Variants in PCDHA1 observed in about 807,000 individuals in gnomAD.
PCDHA1 encodes protocadherin alpha-1.
PCDHA1 carries 42 observed loss-of-function variants against 61.3 expected under a neutral mutation model. The observed-to-expected ratio is 0.69, with a 90% CI of 0.54 to 0.89. PCDHA1 has a LOEUF of 0.89. Among genes scored for constraint, PCDHA1 ranks in the 40% least tolerant of loss-of-function variants. The pLI, the probability that PCDHA1 is intolerant of heterozygous loss-of-function variation, is 0.00. For missense variants in PCDHA1, 1,256 were observed against 1,235.3 expected (o/e 1.02, Z -0.25); for synonymous variants, 610 against 553.8 (o/e 1.10, Z -1.43).
rs1290638824 is a variant in PCDHA1, at chr5:140,786,418, C to T, written c.128C>T (p.Thr43Ile). Residue 43 changes from threonine (T) to isoleucine (I), a missense_variant, in exon 1 of 4, where the codon ACC (threonine) becomes ATC (isoleucine). Coordinates refer to ENST00000504120, the MANE Select transcript of PCDHA1 (RefSeq NM_018900.4). ...ATCCCGGAGGAAGCCAAACACGGCA[C>T]CTTCGTTGGCCGCGTTGCTCAGGAC... is the stretch of plus-strand genomic sequence containing the variant. Reference protein sequence around the residue: ...YSIPEEAKHGTFVGRVAQDLG... With the variant: ...YSIPEEAKHGIFVGRVAQDLG... The T allele has an allele frequency of 6.2e-7, 1 of 1,613,470 alleles. No individual in the cohort carries two copies. The highest frequency in any genetic ancestry group is 1.1e-5 in the South Asian group (1 of 91,056).
At chr5:140,857,859 C>T (rs1554150765) in intron 1 of PCDHA1, 3 of 1,597,718 alleles carry the variant, frequency 1.9e-6, no homozygotes, top group Non-Finnish European at 2.6e-6. Context: ...GGATACAACG[C>T]GTGGCTGTCG....
intron 1 of PCDHA1, chr5:140,802,518 G>C (rs577444100): frequency 1.9e-6 from 3 of 1,614,016 alleles, no homozygotes; most frequent in South Asian, 2.2e-5. Flanking sequence ...CACGGCCAGC[G>C]TGTCCGTGGA....
intron 3 of PCDHA1, among the ~76,000 whole-genome samples, chr5:141,002,176 G>C (rs1554258553): frequency 6.6e-6 from 1 of 152,242 alleles, no homozygotes; most frequent in Non-Finnish European, 1.5e-5. Context: ...GCAGGCTCCA[G>C]AGTGCTGTCT....
rs554327220 is a variant in PCDHA1 at position 140,980,560 on chromosome 5, G to T, written c.2453+1553G>T. Reference sequence around the variant, plus strand: ...CAGGAGAATCGCTTGAACCCGGGAGGCGGAAGTTGCAGTGAGCCAAGATCG... The same window carrying T: ...CAGGAGAATCGCTTGAACCCGGGAGTCGGAAGTTGCAGTGAGCCAAGATCG... On this transcript the variant is annotated intron_variant, in intron 2 of 3. Coordinates refer to ENST00000504120, the MANE Select transcript of PCDHA1 (RefSeq NM_018900.4). Among the ~76,000 whole-genome samples the T allele has an allele frequency of 1.6e-4, 25 of 152,244 alleles. No individual in the cohort carries two copies. The East Asian group carries it at 4.6e-3, about 28-fold the overall frequency.
At chr5:140,968,715 A>T (rs2096265469) in intron 1 of PCDHA1, 1 of 1,614,014 alleles carries the variant, frequency 6.2e-7, no homozygotes, top group South Asian at 1.1e-5. Flanking sequence ...AAGATGGGAG[A>T]TGAGAGTGGT....
At chr5:140,837,560 A>G (rs2150276693) in intron 1 of PCDHA1, among the ~76,000 whole-genome samples, 2 of 152,102 alleles carry the variant, frequency 1.3e-5, no homozygotes, top group East Asian at 1.9e-4. Context: ...AATTATATAA[A>G]TATATTTACA....
At chr5:140,979,054 A>G (rs782082075) in intron 2 of PCDHA1, 47 bp downstream of exon 2, 6 of 1,607,592 alleles carry the variant, frequency 3.7e-6, no homozygotes, top group Non-Finnish European at 4.3e-6. Flanking sequence ...TTAACTTGGT[A>G]TGGCTCAGAT....
intron 1 of PCDHA1, among the ~76,000 whole-genome samples, chr5:140,840,138 T>C (rs1477164844): frequency 2.6e-5 from 4 of 151,960 alleles, no homozygotes; most frequent in Non-Finnish European, 4.4e-5. Flanking sequence ...GGACAGAAAT[T>C]ATCACACGTG....
intron 1 of PCDHA1, chr5:140,882,363 A>G: frequency 1.2e-6 from 2 of 1,614,208 alleles, no homozygotes; most frequent in South Asian, 1.1e-5. Context: ...GGCCAGCTCC[A>G]CTACTCCGTC....
intron 1 of PCDHA1, chr5:140,830,257 G>C: frequency 6.2e-7 from 1 of 1,613,692 alleles, no homozygotes; most frequent in Non-Finnish European, 8.5e-7. Context: ...CAGCGCTGCG[G>C]TGCTCGGCGC....
intron 1 of PCDHA1, among the ~76,000 whole-genome samples, chr5:140,846,376 T>C (rs2150389253): frequency 0.033 from 4,309 of 129,342 alleles, 439 homozygotes; most frequent in African/African-American, 0.12. Flanking sequence ...TTTCTTTCTT[T>C]TTTTTTTTTT....
At chr5:140,828,544 G>A (rs144353163) in intron 1 of PCDHA1, 952 of 1,614,096 alleles carry the variant, frequency 5.9e-4, no homozygotes, top group Non-Finnish European at 7.8e-4. Flanking sequence ...CAGATTCTGT[G>A]TTTCCACTGG....
intron 1 of PCDHA1, chr5:140,801,213 C>G (rs1482637194): frequency 6.2e-7 from 1 of 1,605,612 alleles, no homozygotes; most frequent in East Asian, 2.2e-5. Flanking sequence ...GTTCTCCTGG[C>G]GAGAAGATCC....
chr5:140,957,188 C>A (rs374236292), intron 1 of PCDHA1, among the ~76,000 whole-genome samples: 1 of 151,992 alleles, frequency 6.6e-6, no homozygotes, highest in Middle Eastern at 3.4e-3. Flanking sequence ...TATTGATGAC[C>A]GATTGGGAAT....
intron 1 of PCDHA1, chr5:140,853,410 G>A (rs1291135105): frequency 1.0e-6 from 1 of 986,108 alleles, no homozygotes; most frequent in African/African-American, 1.8e-5. Context: ...AAACAGAGAG[G>A]TGAAAGCAGA....
intron 1 of PCDHA1, chr5:140,857,836 G>T: frequency 6.3e-7 from 1 of 1,597,926 alleles, no homozygotes; most frequent in Non-Finnish European, 8.6e-7. Context: ...TGCGCGCAGT[G>T]GACGCTGACT....
intron 3 of PCDHA1, among the ~76,000 whole-genome samples, chr5:140,994,980 C>A (rs1311252472): frequency 4.6e-5 from 7 of 151,992 alleles, no homozygotes; most frequent in Admixed American, 1.3e-4. Flanking sequence ...CCATGGAGAC[C>A]CACTAGAAGG....
At chr5:140,869,145 A>G (rs1013407350) in intron 1 of PCDHA1, 58 of 1,613,508 alleles carry the variant, frequency 3.6e-5, no homozygotes, top group Non-Finnish European at 4.7e-5. Context: ...CCCCACGACT[A>G]CAGCTCTGGC....
chr5:140,848,561 A>C, intron 1 of PCDHA1: 1 of 1,595,546 alleles, frequency 6.3e-7, no homozygotes. Context: ...TGATCCTCGC[A>C]ATGTGGGTGG....
Sources: allele counts gnomAD v4.1 joint callset (sites outside exome capture counted in the v4.1 genomes callset), GRCh38; gene constraint gnomAD v4.1.1; transcripts MANE v1.5; gene names NCBI Gene and HGNC (gene_info 2026-07-23, HGNC 2026-07-21).